RANBP2: variants seen among roughly 807,000 people sequenced by gnomAD.
The protein encoded by RANBP2 is RAN binding protein 2.
A neutral mutation model predicts 303.6 loss-of-function variants in RANBP2; 57 were observed. The ratio of observed to expected loss-of-function variants is 0.19; its 90% CI spans 0.15 to 0.23. The LOEUF (loss-of-function observed/expected upper bound fraction) is 0.23. Ranked by LOEUF, RANBP2 falls within the 10% of genes least tolerant of loss-of-function variation. RANBP2 has a pLI of 1.00. For synonymous variants in RANBP2, 1,167 were observed against 1,301.5 expected, an observed-to-expected ratio of 0.90 and a Z score of 2.23; for missense variants, 3,138 against 3,780.8, an observed-to-expected ratio of 0.83 and a Z score of 4.46.
At chr2:109,462,482 A>G in the RANBP2 span, among the ~76,000 whole-genome samples, 3 of 152,110 alleles carry the variant, frequency 2.0e-5, no homozygotes, top group Non-Finnish European at 4.4e-5. Context: ...TCCATGATCC[A>G]TCTCTCTTCT....
chr2:109,620,078 A>G, the RANBP2 span, among the ~76,000 whole-genome samples: 1 of 152,066 alleles, frequency 6.6e-6, no homozygotes, highest in African/African-American at 2.4e-5. Flanking sequence ...CTAATAGCCT[A>G]TTTTTCCACA....
chr2:108,797,567 C>G, the RANBP2 span, among the ~76,000 whole-genome samples: 1 of 151,882 alleles, frequency 6.6e-6, no homozygotes, highest in African/African-American at 2.4e-5. Context: ...GATTTTAGTT[C>G]AGATGGGGTG....
chr2:109,710,466 A>C, the RANBP2 span, among the ~76,000 whole-genome samples: 2 of 152,110 alleles, frequency 1.3e-5, no homozygotes, highest in Non-Finnish European at 2.9e-5. Flanking sequence ...TTTGTGTGAA[A>C]TTGTGGCTTT....
chr2:108,873,649 A>G, the RANBP2 span: 9 of 1,191,854 alleles, frequency 7.6e-6, no homozygotes, highest in East Asian at 2.3e-4. Flanking sequence ...GATCATTTAA[A>G]CCAGGGGTTT....
At chr2:108,801,089 C>T in the RANBP2 span, among the ~76,000 whole-genome samples, 10 of 40,628 alleles carry the variant, frequency 2.5e-4, no homozygotes, top group East Asian at 1.7e-3. Context: ...AATAAACATA[C>T]GTGTGCATGT....
the RANBP2 span, among the ~76,000 whole-genome samples, chr2:108,956,764 G>A: frequency 6.7e-6 from 1 of 150,326 alleles, no homozygotes; most frequent in Non-Finnish European, 1.5e-5. Flanking sequence ...TTGAAGCTCA[G>A]CAGGAAAGGC....
the RANBP2 span, among the ~76,000 whole-genome samples, chr2:109,624,724 C>A: frequency 6.6e-6 from 1 of 152,156 alleles, no homozygotes; most frequent in Non-Finnish European, 1.5e-5. Context: ...TCAACTATTT[C>A]ACTTCTCATT....
the RANBP2 span, among the ~76,000 whole-genome samples, chr2:109,734,607 A>C: frequency 6.6e-6 from 1 of 152,126 alleles, no homozygotes; most frequent in Non-Finnish European, 1.5e-5. Flanking sequence ...AAAATTCTAC[A>C]GTCTTTTTTT....
the RANBP2 span, among the ~76,000 whole-genome samples, chr2:109,212,191 C>G: frequency 1.3e-5 from 2 of 152,194 alleles, no homozygotes; most frequent in Admixed American, 6.5e-5. Flanking sequence ...GGGTACCAGC[C>G]ACTGGTGTCT....
the RANBP2 span, among the ~76,000 whole-genome samples, chr2:109,211,404 A>T: frequency 6.6e-6 from 1 of 152,242 alleles, no homozygotes; most frequent in South Asian, 2.1e-4. Flanking sequence ...TGTTATAAAC[A>T]GCAGGGAAGC....
the RANBP2 span, among the ~76,000 whole-genome samples, chr2:109,579,712 C>A: frequency 6.6e-6 from 1 of 151,886 alleles, no homozygotes; most frequent in Non-Finnish European, 1.5e-5. Flanking sequence ...TTAGTTCTAC[C>A]AAACATTCCA....
the RANBP2 span, among the ~76,000 whole-genome samples, chr2:109,282,645 G>A: frequency 6.6e-6 from 1 of 152,200 alleles, no homozygotes; most frequent in Non-Finnish European, 1.5e-5. Flanking sequence ...GGAGACGTCC[G>A]GGCACCCTTG....
At chr2:109,325,820 C>G in the RANBP2 span, among the ~76,000 whole-genome samples, 1 of 152,258 alleles carries the variant, frequency 6.6e-6, no homozygotes, top group Non-Finnish European at 1.5e-5. Flanking sequence ...GGCAAAGATG[C>G]TGGCCCGAGC....
At chr2:109,046,368 CT>C in the RANBP2 span, among the ~76,000 whole-genome samples, 7,005 of 132,680 alleles carry the variant, frequency 0.053, 251 homozygotes, top group East Asian at 0.1. Context: ...TGGGTAACTG[CT>C]TTTTTTTTTT....
chr2:109,431,284 C>T, the RANBP2 span, among the ~76,000 whole-genome samples: 3 of 152,220 alleles, frequency 2.0e-5, no homozygotes, highest in Admixed American at 6.5e-5. Context: ...CACCAGATCA[C>T]TCTTCATTAA....
the RANBP2 span, among the ~76,000 whole-genome samples, chr2:109,619,665 AGTTT>A: frequency 6.6e-6 from 1 of 152,208 alleles, no homozygotes; most frequent in African/African-American, 2.4e-5. Context: ...CTAGATAAGT[AGTTT>A]GTTTTTCTAG....
At chr2:109,020,902 C>G in the RANBP2 span, among the ~76,000 whole-genome samples, 16 of 152,178 alleles carry the variant, frequency 1.1e-4, no homozygotes, top group Admixed American at 8.5e-4. Context: ...CAGAAATGCT[C>G]AGACCAAGGC....
chr2:109,703,173 G>T, the RANBP2 span, among the ~76,000 whole-genome samples: 3 of 152,190 alleles, frequency 2.0e-5, no homozygotes, highest in African/African-American at 7.2e-5. Flanking sequence ...AGGTCCAAAT[G>T]TTTAAAATAA....
the RANBP2 span, among the ~76,000 whole-genome samples, chr2:109,057,565 G>A: frequency 6.6e-6 from 1 of 152,242 alleles, no homozygotes; most frequent in East Asian, 1.9e-4. Context: ...TCTGTGGAGA[G>A]TCACTTACAG....
Sources: allele counts gnomAD v4.1 joint callset (sites outside exome capture counted in the v4.1 genomes callset), GRCh38; gene constraint gnomAD v4.1.1; transcripts MANE v1.5; gene names NCBI Gene and HGNC (gene_info 2026-07-23, HGNC 2026-07-21).